Variants in TCF12 observed in about 807,000 individuals in gnomAD.
The protein encoded by TCF12 is transcription factor 12.
Under a neutral mutation model 86.0 loss-of-function variants are expected in TCF12, and 45 were observed. The ratio of observed to expected loss-of-function variants is 0.52; its 90% CI spans 0.41 to 0.67. The LOEUF is 0.67. Ranked by LOEUF, TCF12 falls within the 30% of genes least tolerant of loss-of-function variation. TCF12 has a pLI of 0.00. For synonymous variants in TCF12, 330 were observed against 299.6 expected (o/e 1.10, Z -1.05); for missense variants, 881 against 859.9 (o/e 1.02, Z -0.31).
At chr15:57,120,837 A>G (rs1179461029) in intron 5 of TCF12, among the ~76,000 whole-genome samples, 1 of 152,144 alleles carries the variant, frequency 6.6e-6, no homozygotes, top group Admixed American at 6.5e-5. Flanking sequence ...GGGCTCAGAA[A>G]ATGTCTGTTG....
At chr15:56,959,217 TA>T (rs1171966990) in intron 3 of TCF12, among the ~76,000 whole-genome samples, 1 of 152,228 alleles carries the variant, frequency 6.6e-6, no homozygotes, top group Non-Finnish European at 1.5e-5. Flanking sequence ...TTTAAACATT[TA>T]CTATGAGCCT....
chr15:57,117,313 A>G (rs1241369035), intron 5 of TCF12, among the ~76,000 whole-genome samples: 5 of 152,160 alleles, frequency 3.3e-5, no homozygotes, highest in African/African-American at 9.7e-5. Context: ...GATTACAGGC[A>G]TGAGCCACTG....
At chr15:57,234,804 G>C (rs1241750545) in intron 12 of TCF12, among the ~76,000 whole-genome samples, 1 of 152,166 alleles carries the variant, frequency 6.6e-6, no homozygotes, top group Non-Finnish European at 1.5e-5. Flanking sequence ...TTATTTAAAA[G>C]GGGCACTTGT....
chr15:56,979,815 A>G (rs1005511807), intron 3 of TCF12, among the ~76,000 whole-genome samples: 1 of 152,208 alleles, frequency 6.6e-6, no homozygotes, highest in Non-Finnish European at 1.5e-5. Flanking sequence ...TTCTTAATGT[A>G]TGACTTCTGT....
chr15:57,253,271 A>T lies in TCF12; in HGVS notation c.1270A>T (p.Met424Leu). 6.2e-7 allele frequency: 1 copy of T among 1,613,960 alleles called. No homozygotes were observed. Among genetic ancestry groups the T allele is most frequent in the East Asian group, 2.2e-5 (1 of 44,876 alleles). Residue 424 changes from methionine (M) to leucine (L), a missense_variant, in exon 16 of 21, where the codon ATG becomes TTG. Physicochemically the swap from Met to Leu is conservative, Grantham distance 15 (BLOSUM62 2). This residue lies in a region of TCF12 where 766 missense variants were observed against 718.9 expected (regional missense o/e 1.07). Transcript: ENST00000333725. ...TTTTTAATCCATACAGCAGTCTCGA[A>T]TGGAGGATCGTTTAGACAGACTGGA... Reference protein sequence around the residue: ...FLKDVCEQSRMEDRLDRLDDA... With the variant: ...FLKDVCEQSRLEDRLDRLDDA...
intron 5 of TCF12, among the ~76,000 whole-genome samples, chr15:57,151,890 G>A (rs142995610): frequency 6.1e-4 from 93 of 152,280 alleles, no homozygotes; most frequent in African/African-American, 1.8e-3. Context: ...AACTACCTCC[G>A]TCACAAGCCT....
chr15:57,106,625 AAGAC>A (rs1305131279), intron 5 of TCF12, among the ~76,000 whole-genome samples: 4 of 152,182 alleles, frequency 2.6e-5, no homozygotes, highest in Admixed American at 1.3e-4. Flanking sequence ...GGTAATGAAA[AAGAC>A]AGGCCACAGA....
rs367571613 is a variant in TCF12 at position 56,941,981 on chromosome 15, T to C, written c.148+20883T>C. Among the ~76,000 whole-genome samples, 33 of 152,322 alleles carry C rather than the reference T, an allele frequency of 2.2e-4. No individual in the cohort carries two copies. The East Asian group carries it at 5.8e-3, about 27-fold the overall frequency. On this transcript the variant is annotated intron_variant, in intron 3 of 20. Coordinates refer to ENST00000333725, the MANE Select transcript of TCF12 (RefSeq NM_207037.2). ...TCTTTTCTGTGTCTCAATCCTCATA[T>C]GGTTTACCTCTGAAATATAGAATAT...
chr15:56,966,439 T>C (rs907453798), intron 3 of TCF12, among the ~76,000 whole-genome samples: 2 of 152,224 alleles, frequency 1.3e-5, no homozygotes, highest in Non-Finnish European at 2.9e-5. Flanking sequence ...CTAAGATTAA[T>C]AAGGTAGCTA....
chr15:56,975,424 A>T (rs2062547970), intron 3 of TCF12, among the ~76,000 whole-genome samples: 1 of 152,180 alleles, frequency 6.6e-6, no homozygotes, highest in Non-Finnish European at 1.5e-5. Context: ...TTTGAGAAGG[A>T]AAATATCTGT....
chr15:57,154,356 C>CA (rs1462429530), intron 5 of TCF12, among the ~76,000 whole-genome samples: 4 of 152,184 alleles, frequency 2.6e-5, no homozygotes, highest in Admixed American at 2.6e-4. Flanking sequence ...CTTCAAACAA[C>CA]AACCAAGCTA....
chr15:57,067,027 C>T (rs2733184), intron 4 of TCF12, among the ~76,000 whole-genome samples: 3 of 152,140 alleles, frequency 2.0e-5, no homozygotes, highest in Admixed American at 2.0e-4. Context: ...TCACAAACTT[C>T]TTATCTCTGT....
intron 7 of TCF12, among the ~76,000 whole-genome samples, chr15:57,193,313 A>G (rs1218971229): frequency 1.3e-5 from 2 of 152,348 alleles, no homozygotes; most frequent in East Asian, 3.9e-4. Context: ...AGTAGCATAT[A>G]CTACATTCAC....
intron 4 of TCF12, among the ~76,000 whole-genome samples, chr15:57,064,795 C>CAAAAAAAAAAAAAAAAAAAAAAAAAAA (rs1177544594): frequency 1.3e-5 from 1 of 78,062 alleles, no homozygotes; most frequent in Admixed American, 1.9e-4. Flanking sequence ...GACTCCATCT[C>CAAAAAAAAAAAAAAAAAAAAAAAAAAA]AAAAAAAAAA....
intron 9 of TCF12, 104 bp from the exon 10 acceptor site, chr15:57,232,187 G>A: frequency 7.7e-7 from 1 of 1,294,004 alleles, no homozygotes; most frequent in Non-Finnish European, 1.1e-6. Context: ...TTGGAAAAGG[G>A]AGGAAAAATA....
intron 6 of TCF12, among the ~76,000 whole-genome samples, chr15:57,179,795 C>T (rs916756215): frequency 6.6e-6 from 1 of 151,794 alleles, no homozygotes; most frequent in East Asian, 1.9e-4. Flanking sequence ...TCTGTTTCCC[C>T]CCTTCTTCCT....
intron 19 of TCF12, 64 bp downstream of exon 19, chr15:57,273,326 A>G: frequency 6.6e-7 from 1 of 1,512,960 alleles, no homozygotes; most frequent in Non-Finnish European, 9.1e-7. Context: ...TTCTGTTTAC[A>G]GTTGCTCTTC....
intron 3 of TCF12, among the ~76,000 whole-genome samples, chr15:56,926,751 A>G (rs213164): frequency 0.61 from 92,365 of 152,142 alleles, 30,848 homozygotes; most frequent in African/African-American, 0.9. Context: ...TGAATAGCAC[A>G]GTGATCTTGG....
At chr15:57,135,971 CTAGCTGACTTGGTTATTTTCACTTT>C (rs2052490877) in intron 5 of TCF12, among the ~76,000 whole-genome samples, 1 of 150,438 alleles carries the variant, frequency 6.6e-6, no homozygotes, top group African/African-American at 2.4e-5. Context: ...CTAAAAAAAA[CTAGCTGACTTGGTTATTTTCACTTT>C]CTTTTTAAAT....
Sources: allele counts gnomAD v4.1 joint callset (sites outside exome capture counted in the v4.1 genomes callset), GRCh38; gene constraint gnomAD v4.1.1; regional missense constraint gnomAD v4.1.1; transcripts MANE v1.5; gene names NCBI Gene and HGNC (gene_info 2026-07-23, HGNC 2026-07-21).